Variants in ARHGEF17 observed in about 807,000 individuals in gnomAD.
ARHGEF17 encodes the protein Rho guanine nucleotide exchange factor 17.
In ARHGEF17, 80 loss-of-function variants were observed where a neutral mutation model predicts 174.0. The ratio of observed to expected loss-of-function variants is 0.46; its 90% CI spans 0.38 to 0.55. The LOEUF (loss-of-function observed/expected upper bound fraction) is 0.55, where lower values mean the gene tolerates loss of function less well. ARHGEF17 is among the 20% of genes least tolerant of loss of function. The pLI is 0.00. For missense variants in ARHGEF17, 2,886 were observed against 2,839.7 expected (o/e 1.02, Z -0.37); for synonymous variants, 1,311 against 1,189.1 (o/e 1.10, Z -2.11).
chr11:73,310,505 G>A lies in ARHGEF17; in HGVS notation c.1867G>A (p.Ala623Thr). 6.2e-7 allele frequency: 1 copy of A among 1,614,008 alleles called. No homozygotes were observed. Among genetic ancestry groups the A allele is most frequent in the East Asian group, 2.2e-5 (1 of 44,886 alleles). ...SDAPPGSPDW[A>T]GDVTRGQRSQ... ...TGCCCCCCCTGGAAGCCCTGACTGG[G>A]CAGGGGATGTGACCCGAGGGCAGCG... Residue 623 changes from alanine (A) to threonine (T), a missense_variant, in exon 1 of 21, where the codon GCA becomes ACA. Transcript: ENST00000263674.
intron 1 of ARHGEF17, among the ~76,000 whole-genome samples, chr11:73,335,456 A>G (rs926553136): frequency 6.6e-6 from 1 of 152,102 alleles, no homozygotes; most frequent in African/African-American, 2.4e-5. Context: ...GCTATTATCC[A>G]TAATGAGAAA....
Position 73,309,630 on chromosome 11 carries a change from C to T in ARHGEF17, c.992C>T (p.Thr331Ile). 1.2e-6 allele frequency: 2 copies of T among 1,613,114 alleles called. No individual in the cohort carries two copies. Among genetic ancestry groups the T allele is most frequent in the East Asian group, 2.2e-5 (1 of 44,894 alleles). ...GTTTCTGGGAGCCCTGAGCCCCCAA[C>T]ATCTCCAAGAGCCCCTAGAGAAGAA... ...AGVSGSPEPP[T>I]SPRAPREEGL... The change falls in exon 1 of 21, where the codon ACA becomes ATA. Residue 331 changes from threonine (T) to isoleucine (I), a missense_variant. By Grantham distance (89) the Thr-to-Ile change is moderately conservative (BLOSUM62 -1). Coordinates refer to ENST00000263674, the MANE Select transcript of ARHGEF17 (RefSeq NM_014786.4).
At chr11:73,367,049 A>C (rs948778316) in intron 20 of ARHGEF17, among the ~76,000 whole-genome samples, 31 of 152,208 alleles carry the variant, frequency 2.0e-4, no homozygotes, top group African/African-American at 6.8e-4. Flanking sequence ...TCTCAAAAAA[A>C]AAAGTGAAAC....
rs1290402278 is a variant in ARHGEF17 at position 73,309,211 on chromosome 11, G to A, written c.573G>A (p.Pro191=). ...GLRSARPLTG[P]ETEGRLRRPQ... ...GTTCGGCGCGGCCCCTGACCGGGCC[G>A]GAGACCGAAGGGAGGCTGCGCCGGC... The change falls in exon 1 of 21, where the codon CCG becomes CCA. Residue 191 remains proline (P), a synonymous_variant. Coordinates refer to ENST00000263674, the MANE Select transcript of ARHGEF17 (RefSeq NM_014786.4). 1 of 1,596,802 alleles carries A rather than the reference G, an allele frequency of 6.3e-7. No individual in the cohort carries two copies. Among genetic ancestry groups the A allele is most frequent in the Non-Finnish European group, 8.5e-7 (1 of 1,171,738 alleles).
intron 1 of ARHGEF17, among the ~76,000 whole-genome samples, chr11:73,320,513 C>T (rs1339141037): frequency 6.6e-6 from 1 of 150,390 alleles, no homozygotes; most frequent in Non-Finnish European, 1.5e-5. Flanking sequence ...CCTAGCTACT[C>T]AGGAGGCTGA....
Position 73,310,737 on chromosome 11 carries a change from C to T in ARHGEF17, c.2099C>T (p.Pro700Leu). 2 of 1,611,694 alleles carry T rather than the reference C, an allele frequency of 1.2e-6. No individual in the cohort carries two copies. The highest frequency in any genetic ancestry group is 1.7e-6 in the Non-Finnish European group (2 of 1,178,682). ...TGGGCCCTGGTGTCGCCTGAGACCC[C>T]TCCCACACCAGGTGCCCTCCGCCGA... ...GGWALVSPET[P>L]PTPGALRRRR... The change falls in exon 1 of 21, where the codon CCT (proline) becomes CTT (leucine). Residue 700 changes from proline (P) to leucine (L), a missense_variant. Coordinates refer to ENST00000263674, the MANE Select transcript of ARHGEF17 (RefSeq NM_014786.4).
chr11:73,311,351 C>T lies in ARHGEF17; in HGVS notation c.2713C>T (p.Leu905Phe). The change falls in exon 1 of 21, where the codon CTT (leucine) becomes TTT (phenylalanine). Residue 905 changes from leucine (L) to phenylalanine (F), a missense_variant. Physicochemically the swap from Leu to Phe is conservative, Grantham distance 22 (BLOSUM62 0). Transcript: ENST00000263674. ...PPATAHRNFHLDPKLADILSP... is the reference protein window; with the variant it reads ...PPATAHRNFHFDPKLADILSP... ...TGCCACTGCCCACCGAAACTTTCAC[C>T]TTGACCCCAAGCTGGCTGACATTCT... 1 of 1,613,400 alleles carries T rather than the reference C, an allele frequency of 6.2e-7. No individual in the cohort carries two copies. The highest frequency in any genetic ancestry group is 8.5e-7 in the Non-Finnish European group (1 of 1,180,046).
In ARHGEF17 at chr11:73,344,435, C is replaced by T. The variant is rs372068867; in HGVS notation, c.3193-2448C>T. 9.8e-5 allele frequency among the ~76,000 whole-genome samples: 15 copies of T among 152,334 alleles called. No homozygotes were observed. The South Asian group carries it at 2.5e-3, about 25-fold the overall frequency. Reference sequence around the variant, plus strand: ...TGCAGCGTCAGCCTCCCCGTGTCACCCCAGCCTCCCGGCATCAGGCACAGC... The same window carrying T: ...TGCAGCGTCAGCCTCCCCGTGTCACTCCAGCCTCCCGGCATCAGGCACAGC... On this transcript the variant is annotated intron_variant, in intron 1 of 20. Coordinates refer to ENST00000263674, the MANE Select transcript of ARHGEF17 (RefSeq NM_014786.4).
At chr11:73,314,165 G>A (rs796432237) in intron 1 of ARHGEF17, among the ~76,000 whole-genome samples, 4 of 152,344 alleles carry the variant, frequency 2.6e-5, no homozygotes, top group African/African-American at 9.6e-5. Flanking sequence ...CCTCCTGGTG[G>A]CCTCTGTTGA....
chr11:73,367,521 C>T, intron 20 of ARHGEF17, 63 bp from the exon 21 acceptor site: 1 of 1,424,326 alleles, frequency 7.0e-7, no homozygotes, highest in Middle Eastern at 2.1e-4. Flanking sequence ...GAATTCAGGC[C>T]CCGATGGGAC....
chr11:73,319,882 G>A (rs1345837688), intron 1 of ARHGEF17, among the ~76,000 whole-genome samples: 1 of 152,198 alleles, frequency 6.6e-6, no homozygotes, highest in Non-Finnish European at 1.5e-5. Flanking sequence ...CTGGGGCCAG[G>A]CCTGGCTTCC....
In ARHGEF17 at chr11:73,309,155, C is replaced by G. The variant is rs775558425; in HGVS notation, c.517C>G (p.Pro173Ala). The change falls in exon 1 of 21, where the codon CCT (proline) becomes GCT (alanine). Residue 173 changes from proline to alanine, a missense_variant. By Grantham distance (27) the Pro-to-Ala change is conservative. This residue lies in a region of ARHGEF17 where 1,728 missense variants were observed against 1,461.2 expected (regional missense o/e 1.18). Coordinates refer to ENST00000263674, the MANE Select transcript of ARHGEF17 (RefSeq NM_014786.4). Reference sequence around the variant, plus strand: ...GTCGCGGCAGCCACCGACGCCACCCCCTCGGACATGCTTCCCCCTGGCGGG... The same window carrying G: ...GTCGCGGCAGCCACCGACGCCACCCGCTCGGACATGCTTCCCCCTGGCGGG... Reference protein sequence around the residue: ...RESRQPPTPPPRTCFPLAGLR... With the variant: ...RESRQPPTPPARTCFPLAGLR... 3.8e-6 allele frequency: 6 copies of G among 1,589,048 alleles called. No homozygotes were observed. Among genetic ancestry groups the G allele is most frequent in the Admixed American group, 3.5e-5 (2 of 57,938 alleles).
Position 73,362,084 on chromosome 11 carries a change from G to T in ARHGEF17, c.4539G>T (p.Ser1513=), listed in dbSNP as rs747526360. Residue 1513 remains serine (S), a synonymous_variant, in exon 13 of 21, where the codon TCG becomes TCT. Transcript: ENST00000263674. ...CCCTGAACAGCTGCCCGGAGCCCTCGCCTGAGGTATGGGTCTGCAACAGCG... is the reference window on the plus strand; with the variant it reads ...CCCTGAACAGCTGCCCGGAGCCCTCTCCTGAGGTATGGGTCTGCAACAGCG... ...APTLNSCPEP[S]PEVWVCNSDG... 1 of 1,612,776 alleles carries T rather than the reference G, an allele frequency of 6.2e-7. No individual in the cohort carries two copies. Among genetic ancestry groups the T allele is most frequent in the Non-Finnish European group, 8.5e-7 (1 of 1,179,912 alleles).
In ARHGEF17 at chr11:73,361,724, C is replaced by T. The variant is rs190064027; in HGVS notation, c.4495-316C>T. Among the ~76,000 whole-genome samples, 115 of 152,148 alleles carry T rather than the reference C, an allele frequency of 7.6e-4. 2 individuals are homozygous for T. Among genetic ancestry groups the T allele is most frequent in the Admixed American group, 3.3e-4 (5 of 15,288 alleles). ...CAAAAATTATCCACGTTTAGTGGCGCGCCCCTGTGGTCCCAGTTACTTAGG... is the reference window on the plus strand; with the variant it reads ...CAAAAATTATCCACGTTTAGTGGCGTGCCCCTGTGGTCCCAGTTACTTAGG... On this transcript the variant is annotated intron_variant, in intron 12 of 20. Coordinates refer to ENST00000263674, the MANE Select transcript of ARHGEF17 (RefSeq NM_014786.4).
In ARHGEF17 at chr11:73,353,038, C is replaced by G. The variant is rs1182507796; in HGVS notation, c.3453+26C>G. 10 of 1,611,436 alleles carry G rather than the reference C, an allele frequency of 6.2e-6. No homozygotes were observed. In the African/African-American group the frequency reaches 1.3e-4, roughly 22 times the overall value. On this transcript the variant is annotated intron_variant, in intron 3 of 20. Coordinates refer to ENST00000263674, the MANE Select transcript of ARHGEF17 (RefSeq NM_014786.4). ...GTGAGTGGCCCCGCTGCTGCCAATT[C>G]CCACAAGCACAGGCCCTCCTGGAAG...
chr11:73,359,070 T>A (rs1865693438), intron 9 of ARHGEF17, among the ~76,000 whole-genome samples: 1 of 152,174 alleles, frequency 6.6e-6, no homozygotes, highest in Non-Finnish European at 1.5e-5. Flanking sequence ...GTTCCATGTC[T>A]CTAGTGCTGT....
In ARHGEF17 at chr11:73,309,044, C is replaced by G; in HGVS notation, c.406C>G (p.Pro136Ala). The G allele has an allele frequency of 6.8e-6, 10 of 1,473,130 alleles. No individual in the cohort carries two copies. Among genetic ancestry groups the G allele is most frequent in the Non-Finnish European group, 8.1e-6 (9 of 1,117,184 alleles). 91.3% of individuals were successfully genotyped at this position (1,473,130 alleles called of 1,614,324 possible). A position where few individuals can be genotyped will look rare whatever the true frequency, so the allele number is the denominator to read the frequency against. ...VTEMRKLFGG[P>A]GSRRPSADSE... is the part of the protein sequence containing the mutation. ...CGAGATGCGCAAGCTCTTCGGCGGT[C>G]CTGGCTCCAGGAGGCCCAGCGCCGA... The change falls in exon 1 of 21, where the codon CCT becomes GCT. Residue 136 changes from proline (P) to alanine (A), a missense_variant. Coordinates refer to ENST00000263674, the MANE Select transcript of ARHGEF17 (RefSeq NM_014786.4).
At chr11:73,344,584 C>T (rs1865430262) in intron 1 of ARHGEF17, among the ~76,000 whole-genome samples, 1 of 152,234 alleles carries the variant, frequency 6.6e-6, no homozygotes, top group African/African-American at 2.4e-5. Context: ...TGGCCTGGCC[C>T]TGCTGTCAGG....
chr11:73,352,422 A>G (rs1349803112), intron 2 of ARHGEF17, among the ~76,000 whole-genome samples: 1 of 152,204 alleles, frequency 6.6e-6, no homozygotes, highest in Admixed American at 6.5e-5. Context: ...CTATCAGGAC[A>G]GGGATTGTGG....
Sources: allele counts gnomAD v4.1 joint callset (sites outside exome capture counted in the v4.1 genomes callset), GRCh38; gene constraint gnomAD v4.1.1; regional missense constraint gnomAD v4.1.1; transcripts MANE v1.5; gene names NCBI Gene and HGNC (gene_info 2026-07-23, HGNC 2026-07-21).